Variants in SAMMSON observed in about 807,000 individuals in gnomAD.
SAMMSON encodes the protein survival associated mitochondrial melanoma specific oncogenic non-coding RNA, also known as long intergenic non-protein coding RNA 1212.
chr3:70,287,615 A>G (rs981482382), intron 6 of SAMMSON, among the ~76,000 whole-genome samples: 1 of 152,102 alleles, frequency 6.6e-6, no homozygotes, highest in South Asian at 2.1e-4. Context: ...ATTGATTGGA[A>G]TAGTTTCAGA....
At chr3:70,129,572 A>G (rs997626874) in intron 4 of SAMMSON, among the ~76,000 whole-genome samples, 1 of 152,178 alleles carries the variant, frequency 6.6e-6, no homozygotes, top group Non-Finnish European at 1.5e-5. Flanking sequence ...ATTCTTGATG[A>G]CCCAGCTGGT....
Position 70,388,084 on chromosome 3 carries a change from G to A in SAMMSON, n.914-1490G>A, listed in dbSNP as rs1038069633. ...CGTTGGTCAACAAACAGGAAATATC[G>A]TTCTTAGTGGTTGTGCAAACCATTT... On this transcript the variant is annotated intron_variant and non_coding_transcript_variant, in intron 9 of 9. Transcript: ENST00000642114. Among the ~76,000 whole-genome samples, 9 of 151,998 alleles carry A rather than the reference G, an allele frequency of 5.9e-5. No homozygotes were observed. The East Asian group carries it at 9.6e-4, about 16-fold the overall frequency.
At chr3:70,028,342 G>A (rs2067051052) in intron 3 of SAMMSON, among the ~76,000 whole-genome samples, 1 of 152,102 alleles carries the variant, frequency 6.6e-6, no homozygotes, top group Non-Finnish European at 1.5e-5. Context: ...TGTGCCTTGT[G>A]CTTCTTTGAA....
intron 4 of SAMMSON, among the ~76,000 whole-genome samples, chr3:70,210,962 C>T (rs980834901): frequency 2.6e-5 from 4 of 152,032 alleles, no homozygotes; most frequent in Non-Finnish European, 5.9e-5. Context: ...ACAGATGAAT[C>T]AATGTGACAG....
chr3:70,024,083 C>G (rs1469751213), intron 3 of SAMMSON, among the ~76,000 whole-genome samples: 1 of 152,138 alleles, frequency 6.6e-6, no homozygotes, highest in Non-Finnish European at 1.5e-5. Context: ...CAGGTCTACG[C>G]AATTCTGCCT....
At chr3:70,081,963 A>C (rs2067269464) in intron 4 of SAMMSON, among the ~76,000 whole-genome samples, 1 of 152,194 alleles carries the variant, frequency 6.6e-6, no homozygotes, top group South Asian at 2.1e-4. Flanking sequence ...GTGACATTCA[A>C]ATGCTTTACA....
At chr3:70,406,674 T>C (rs73837922) in intron 2 of SAMMSON, among the ~76,000 whole-genome samples, 1,788 of 152,290 alleles carry the variant, frequency 0.012, 30 homozygotes, top group African/African-American at 0.04. Context: ...ATGCATGTGG[T>C]AATCCTAGAA....
chr3:70,206,768 C>T, intron 4 of SAMMSON: 1 of 397,616 alleles, frequency 2.5e-6, no homozygotes. Flanking sequence ...CATCTGCATG[C>T]TTTGCATTCG....
chr3:70,417,125 T>C (rs1432570153), intron 2 of SAMMSON, among the ~76,000 whole-genome samples: 1 of 152,070 alleles, frequency 6.6e-6, no homozygotes, highest in Non-Finnish European at 1.5e-5. Flanking sequence ...AGCCTTCAGA[T>C]AGCTTGGCAC....
intron 4 of SAMMSON, among the ~76,000 whole-genome samples, chr3:70,114,750 C>A (rs2067403269): frequency 6.6e-6 from 1 of 152,068 alleles, no homozygotes; most frequent in African/African-American, 2.4e-5. Context: ...CACAGTGAAT[C>A]TATGTGAGAA....
chr3:70,420,540 A>C (rs1258021830), intron 2 of SAMMSON, among the ~76,000 whole-genome samples: 1 of 152,246 alleles, frequency 6.6e-6, no homozygotes, highest in East Asian at 1.9e-4. Flanking sequence ...TTCAATTTAC[A>C]TGCAATCTTA....
At chr3:70,177,495 A>T (rs537956910) in intron 4 of SAMMSON, among the ~76,000 whole-genome samples, 1 of 152,376 alleles carries the variant, frequency 6.6e-6, no homozygotes, top group South Asian at 2.1e-4. Flanking sequence ...TGAGAAGCAG[A>T]GGAGTGACAT....
intron 7 of SAMMSON, among the ~76,000 whole-genome samples, chr3:70,299,807 A>C (rs1384371287): frequency 1.3e-5 from 2 of 152,072 alleles, no homozygotes; most frequent in African/African-American, 4.8e-5. Context: ...TACCTTCCTG[A>C]AGCCAACCTC....
intron 4 of SAMMSON, among the ~76,000 whole-genome samples, chr3:70,124,241 A>G (rs1011092965): frequency 2.0e-5 from 3 of 152,218 alleles, no homozygotes; most frequent in African/African-American, 7.2e-5. Context: ...AGTGAAGTTA[A>G]TGACTATGTT....
chr3:70,081,768 A>G (rs2067268994), intron 4 of SAMMSON, among the ~76,000 whole-genome samples: 1 of 152,212 alleles, frequency 6.6e-6, no homozygotes, highest in African/African-American at 2.4e-5. Context: ...CTTTTCTACA[A>G]AGTACAATGA....
chr3:70,369,289 T>C (rs1460014341), intron 9 of SAMMSON, among the ~76,000 whole-genome samples: 1 of 151,710 alleles, frequency 6.6e-6, no homozygotes, highest in East Asian at 1.9e-4. Flanking sequence ...ATTTTCTCGA[T>C]AGACAATCAT....
chr3:70,322,474 C>T (rs1050054100), intron 7 of SAMMSON, among the ~76,000 whole-genome samples: 1 of 152,096 alleles, frequency 6.6e-6, no homozygotes, highest in Admixed American at 6.6e-5. Context: ...GACAACCATG[C>T]TTTCTTTCGT....
intron 4 of SAMMSON, among the ~76,000 whole-genome samples, chr3:70,073,831 C>A (rs1032070338): frequency 2.0e-5 from 3 of 152,024 alleles, no homozygotes; most frequent in African/African-American, 7.2e-5. Flanking sequence ...CCTGGCTCTG[C>A]CATCAACTAG....
intron 1 of SAMMSON, among the ~76,000 whole-genome samples, chr3:70,006,751 G>A (rs1366619842): frequency 1.3e-5 from 2 of 151,384 alleles, no homozygotes; most frequent in Non-Finnish European, 2.9e-5. Context: ...TTGGTGTGCT[G>A]CACCCATTAA....
Sources: allele counts gnomAD v4.1 joint callset (sites outside exome capture counted in the v4.1 genomes callset), GRCh38; gene constraint gnomAD v4.1.1; transcripts MANE v1.5; gene names NCBI Gene and HGNC (gene_info 2026-07-23, HGNC 2026-07-21).